The following STAG2 variants were observed in gnomAD, a reference collection of about 807,000 sequenced individuals.
STAG2 encodes STAG2 cohesin complex component.
A neutral mutation model predicts 108.1 loss-of-function variants in STAG2; 14 were observed. The observed-to-expected ratio is 0.13, with a 90% CI of 0.09 to 0.20. The LOEUF (loss-of-function observed/expected upper bound fraction) is 0.20, where lower values mean the gene tolerates loss of function less well. Among genes scored for constraint, STAG2 ranks in the 10% least tolerant of loss-of-function variants. The pLI, the probability that STAG2 is intolerant of heterozygous loss-of-function variation, is 1.00. For synonymous variants in STAG2, 307 were observed against 302.7 expected (o/e 1.01, Z -0.15); for missense variants, 440 against 940.9 (o/e 0.47, Z 6.96).
chrX:123,986,599 A>T (rs1229041186), intron 1 of STAG2, among the ~76,000 whole-genome samples: 1 of 111,686 alleles, frequency 9.0e-6, no homozygotes, highest in Admixed American at 9.6e-5. Flanking sequence ...AATCTGTAAA[A>T]TGGGCAGAAT....
chrX:123,966,220 T>G (rs2054087761), intron 1 of STAG2, among the ~76,000 whole-genome samples: 1 of 110,257 alleles, frequency 9.1e-6, no homozygotes, highest in African/African-American at 3.3e-5. Flanking sequence ...CCTAGCACTT[T>G]GGAAGGCTGA....
intron 1 of STAG2, among the ~76,000 whole-genome samples, chrX:123,995,706 G>A (rs1008213670): frequency 3.6e-5 from 4 of 110,536 alleles, no homozygotes; most frequent in Non-Finnish European, 7.6e-5. Context: ...AAAAAAAAAA[G>A]AAATCATTAG....
At chrX:124,050,497 C>T (rs1056983822) in intron 11 of STAG2, among the ~76,000 whole-genome samples, 188 bp downstream of exon 11, 4 of 111,294 alleles carry the variant, frequency 3.6e-5, no homozygotes, top group Non-Finnish European at 3.8e-5. Context: ...ATTTTTGAAT[C>T]CTGGCCACTG....
chrX:123,983,974 CTTTTTTT>C (rs199881082), intron 1 of STAG2, among the ~76,000 whole-genome samples: 21 of 61,451 alleles, frequency 3.4e-4, no homozygotes, highest in Admixed American at 6.9e-4. Flanking sequence ...CTTTTCTTTT[CTTTTTTT>C]TTTTTTTTTT....
intron 13 of STAG2, among the ~76,000 whole-genome samples, chrX:124,053,094 G>GCTGGGT (rs1431787160): frequency 1.8e-5 from 2 of 111,949 alleles, no homozygotes; most frequent in Non-Finnish European, 3.8e-5. Flanking sequence ...TGGGATTACA[G>GCTGGGT]GCATGAGCTA....
chrX:123,982,425 A>G (rs1436568520), intron 1 of STAG2, among the ~76,000 whole-genome samples: 1 of 111,576 alleles, frequency 9.0e-6, no homozygotes, highest in African/African-American at 3.3e-5. Flanking sequence ...ATGCAGTGGC[A>G]CGATCGTGGC....
At chrX:124,005,965 A>G (rs2056266727) in intron 1 of STAG2, among the ~76,000 whole-genome samples, 1 of 111,173 alleles carries the variant, frequency 9.0e-6, no homozygotes, top group Admixed American at 9.6e-5. Flanking sequence ...CTCTGCCTTC[A>G]TTTTCACATG....
At chrX:124,039,628 G>GTTTC (rs1229829558) in intron 6 of STAG2, among the ~76,000 whole-genome samples, 2 of 91,384 alleles carry the variant, frequency 2.2e-5, no homozygotes, top group Non-Finnish European at 4.4e-5. Context: ...TTTGGCATGA[G>GTTTC]TTTCTTTCTT....
chrX:124,094,631 G>A (rs980738324), intron 33 of STAG2, among the ~76,000 whole-genome samples: 2 of 111,137 alleles, frequency 1.8e-5, no homozygotes, highest in African/African-American at 3.3e-5. Context: ...TGTGGTTAGG[G>A]TTGATCATAT....
chrX:124,000,854 T>C (rs1278211992), intron 1 of STAG2, among the ~76,000 whole-genome samples: 3 of 111,274 alleles, frequency 2.7e-5, no homozygotes, highest in Non-Finnish European at 1.9e-5. Flanking sequence ...CCTGACCCTA[T>C]GTAGGCCTAG....
rs192634801 is a variant in STAG2, at chrX:124,063,425, T to C, written c.1821+220T>C. On this transcript the variant is annotated intron_variant, in intron 19 of 34. Coordinates refer to ENST00000371145, the MANE Select transcript of STAG2 (RefSeq NM_001042750.2). Reference sequence around the variant, plus strand: ...ACTGTACCTTCATTCTTAGCTATTATATGACTATGTCACTGATCATTTATA... The same window carrying C: ...ACTGTACCTTCATTCTTAGCTATTACATGACTATGTCACTGATCATTTATA... Among the ~76,000 whole-genome samples the C allele has an allele frequency of 1.1e-4, 12 of 111,716 alleles. No individual in the cohort carries two copies. The East Asian group carries it at 2.8e-3, about 26-fold the overall frequency.
intron 34 of STAG2, among the ~76,000 whole-genome samples, chrX:124,099,409 A>G (rs1208955287): frequency 1.8e-5 from 2 of 111,405 alleles, no homozygotes; most frequent in Middle Eastern, 4.6e-3. Context: ...TAACCACCCA[A>G]ACTCTGACTT....
intron 23 of STAG2, among the ~76,000 whole-genome samples, chrX:124,067,564 C>T (rs902336976): frequency 9.0e-6 from 1 of 110,653 alleles, no homozygotes; most frequent in Non-Finnish European, 1.9e-5. Context: ...TGTGCCCTGC[C>T]CATTGTGTGC....
At chrX:124,028,269 C>T (rs765949009) in intron 4 of STAG2, among the ~76,000 whole-genome samples, 3 of 110,815 alleles carry the variant, frequency 2.7e-5, no homozygotes, top group African/African-American at 9.9e-5. Context: ...CCTGAAATTG[C>T]GGATAGTACA....
chrX:124,099,307 T>C (rs77397472), intron 34 of STAG2, among the ~76,000 whole-genome samples: 5,056 of 111,832 alleles, frequency 0.045, 88 homozygotes, highest in African/African-American at 0.05. Flanking sequence ...GTACTTTCAT[T>C]CATCATCAGA....
intron 30 of STAG2, among the ~76,000 whole-genome samples, chrX:124,088,963 T>G (rs1471925457): frequency 2.1e-5 from 2 of 93,233 alleles, no homozygotes; most frequent in Non-Finnish European, 4.2e-5. Context: ...TTGCTGAGGC[T>G]GGAGTGCAGT....
intron 6 of STAG2, 139 bp from the exon 7 acceptor site, chrX:124,042,430 A>G (rs1375299924): frequency 2.4e-6 from 1 of 421,491 alleles, no homozygotes; most frequent in Non-Finnish European, 4.2e-6. Flanking sequence ...GTATCATGGT[A>G]AAGATTATTA....
chrX:124,097,485 A>T (rs1243203789), intron 34 of STAG2, among the ~76,000 whole-genome samples: 5 of 111,752 alleles, frequency 4.5e-5, no homozygotes, highest in African/African-American at 1.3e-4. Context: ...GGTGCGATGA[A>T]ATGCATTTAT....
intron 19 of STAG2, 78 bp from the exon 20 acceptor site, chrX:124,063,770 A>G: frequency 1.1e-6 from 1 of 901,139 alleles, no homozygotes; most frequent in Non-Finnish European, 1.6e-6. Context: ...AATTTTTTCC[A>G]TGGTGGTATG....
Sources: allele counts gnomAD v4.1 joint callset (sites outside exome capture counted in the v4.1 genomes callset), GRCh38; gene constraint gnomAD v4.1.1; transcripts MANE v1.5; gene names NCBI Gene and HGNC (gene_info 2026-07-23, HGNC 2026-07-21).